NMNAT3: variants seen among roughly 807,000 people sequenced by gnomAD.
The protein encoded by NMNAT3 is nicotinamide nucleotide adenylyltransferase 3.
Under a neutral mutation model 24.8 loss-of-function variants are expected in NMNAT3, and 21 were observed. The ratio of observed to expected loss-of-function variants is 0.85; its 90% confidence interval spans 0.60 to 1.22. The LOEUF (loss-of-function observed/expected upper bound fraction) is 1.22. NMNAT3 is among the 50% of genes most tolerant of loss of function. The pLI, the probability that NMNAT3 is intolerant of heterozygous loss-of-function variation, is 0.00. For synonymous variants in NMNAT3, 136 were observed against 155.2 expected, an observed-to-expected ratio of 0.88 and a Z score of 0.92; for missense variants, 387 against 436.6, an observed-to-expected ratio of 0.89 and a Z score of 1.01.
At chr3:139,575,898 C>T in intron 5 of NMNAT3, 1 of 1,280,808 alleles carries the variant, frequency 7.8e-7, no homozygotes, top group Non-Finnish European at 1.0e-6. Flanking sequence ...TGAAGATGGC[C>T]ATAAGCATGG....
intron 1 of NMNAT3, among the ~76,000 whole-genome samples, chr3:139,669,621 T>C (rs542991864): frequency 2.0e-5 from 3 of 152,066 alleles, no homozygotes; most frequent in East Asian, 3.9e-4. Flanking sequence ...TAATTGGAGA[T>C]GAAGTGTTTC....
At chr3:139,668,321 G>T (rs1257916315) in intron 1 of NMNAT3, among the ~76,000 whole-genome samples, 1 of 152,188 alleles carries the variant, frequency 6.6e-6, no homozygotes, top group East Asian at 1.9e-4. Context: ...TCTTCCTGAG[G>T]GGAGGAAAAG....
At chr3:139,590,571 C>T (rs2054117416) in intron 3 of NMNAT3, among the ~76,000 whole-genome samples, 1 of 152,104 alleles carries the variant, frequency 6.6e-6, no homozygotes, top group Admixed American at 6.5e-5. Flanking sequence ...AGTGATTGCT[C>T]TGGGAACCAG....
At chr3:139,664,377 G>T (rs2057511514) in intron 1 of NMNAT3, among the ~76,000 whole-genome samples, 1 of 152,146 alleles carries the variant, frequency 6.6e-6, no homozygotes, top group African/African-American at 2.4e-5. Context: ...CAATCAAGAT[G>T]GCTAGAAAAC....
At chr3:139,625,188 C>G (rs973270198) in intron 3 of NMNAT3, among the ~76,000 whole-genome samples, 2 of 152,090 alleles carry the variant, frequency 1.3e-5, no homozygotes, top group African/African-American at 4.8e-5. Context: ...TAGCATAGGA[C>G]AGTTTTCTGT....
intron 4 of NMNAT3, among the ~76,000 whole-genome samples, chr3:139,579,291 G>C (rs1368477757): frequency 6.6e-6 from 1 of 152,126 alleles, no homozygotes; most frequent in African/African-American, 2.4e-5. Flanking sequence ...TGAGAGAAAG[G>C]CTTCTCTGCT....
At chr3:139,618,432 CAAAG>C (rs1404728918) in intron 3 of NMNAT3, among the ~76,000 whole-genome samples, 1 of 152,022 alleles carries the variant, frequency 6.6e-6, no homozygotes, top group Non-Finnish European at 1.5e-5. Context: ...AAGAAATCAA[CAAAG>C]GAAGGACAAT....
rs145636597 is a variant in NMNAT3 at position 139,614,269 on chromosome 3, C to T, written c.109+13347G>A. On this transcript the variant is annotated intron_variant, in intron 3 of 6. Transcript: ENST00000643695. ...AAAAAAAAAAAACTTTCAATGTGTC[C>T]CTTTCACCTAAAGTCCCCATTCCTT... is the stretch of plus-strand genomic sequence containing the variant. Among the ~76,000 whole-genome samples, 4 of 152,038 alleles carry T rather than the reference C, an allele frequency of 2.6e-5. No homozygotes were observed. In the East Asian group the frequency reaches 5.8e-4, roughly 22 times the overall value.
At chr3:139,629,333 A>C (rs1306298267) in intron 2 of NMNAT3, among the ~76,000 whole-genome samples, 1 of 152,200 alleles carries the variant, frequency 6.6e-6, no homozygotes, top group Non-Finnish European at 1.5e-5. Flanking sequence ...ATCTTTCCCC[A>C]GTCAAGTTTT....
intron 1 of NMNAT3, among the ~76,000 whole-genome samples, chr3:139,658,138 G>A (rs1437752621): frequency 6.6e-6 from 1 of 152,066 alleles, no homozygotes; most frequent in Non-Finnish European, 1.5e-5. Context: ...TCTGTGGTAA[G>A]GCTCAGGTAG....
At chr3:139,647,795 G>A (rs1021742454) in intron 1 of NMNAT3, among the ~76,000 whole-genome samples, 9 of 151,592 alleles carry the variant, frequency 5.9e-5, no homozygotes, top group African/African-American at 2.2e-4. Flanking sequence ...TACTGATTTC[G>A]AACTTTTGGC....
intron 3 of NMNAT3, among the ~76,000 whole-genome samples, chr3:139,610,724 G>A (rs1372872386): frequency 6.6e-6 from 1 of 152,172 alleles, no homozygotes; most frequent in Non-Finnish European, 1.5e-5. Context: ...GGCTGTCACT[G>A]CCTTAAATAG....
At chr3:139,572,356 A>G (rs760322194) in intron 6 of NMNAT3, 13 of 395,868 alleles carry the variant, frequency 3.3e-5, no homozygotes, top group African/African-American at 2.3e-4. Context: ...GCAGACAGAA[A>G]GACCAGAGGA....
At chr3:139,622,441 A>C (rs1043336455) in intron 3 of NMNAT3, among the ~76,000 whole-genome samples, 2 of 129,086 alleles carry the variant, frequency 1.5e-5, no homozygotes, top group Admixed American at 7.6e-5. Flanking sequence ...AACATGGTAT[A>C]AAAGATAAAC....
intron 2 of NMNAT3, among the ~76,000 whole-genome samples, chr3:139,629,690 T>C (rs1225672403): frequency 6.6e-6 from 1 of 152,314 alleles, no homozygotes; most frequent in Admixed American, 6.5e-5. Flanking sequence ...GCCCATGTTA[T>C]CTCCTTCTCC....
At chr3:139,629,353 T>A (rs980375557) in intron 2 of NMNAT3, among the ~76,000 whole-genome samples, 1 of 152,210 alleles carries the variant, frequency 6.6e-6, no homozygotes, top group Non-Finnish European at 1.5e-5. Context: ...TCAGATGTGA[T>A]TGCAGCCCTG....
intron 3 of NMNAT3, among the ~76,000 whole-genome samples, chr3:139,592,028 G>A (rs1358229702): frequency 7.9e-5 from 12 of 152,094 alleles, no homozygotes; most frequent in African/African-American, 2.4e-4. Flanking sequence ...TCCAAGCTAC[G>A]GGAGGAAATT....
chr3:139,655,947 G>A (rs749403933), intron 1 of NMNAT3, among the ~76,000 whole-genome samples: 5 of 152,130 alleles, frequency 3.3e-5, no homozygotes, highest in Admixed American at 1.3e-4. Context: ...CACACTCTTC[G>A]GCTCTAAATC....
chr3:139,600,442 A>G lies in NMNAT3; in HGVS notation c.110-17234T>C, dbSNP rs941329327. Among the ~76,000 whole-genome samples the G allele has an allele frequency of 2.0e-5, 3 of 151,878 alleles. No individual in the cohort carries two copies. In the South Asian group the frequency reaches 6.2e-4, roughly 32 times the overall value. On this transcript the variant is annotated intron_variant, in intron 3 of 6. Coordinates refer to ENST00000643695, the MANE Select transcript of NMNAT3 (RefSeq NM_001320510.2). ...TGCCTCAGCCTTCCGAGTAGCTGGG[A>G]TTACAGGCACCCACCACCACGCTGG... is the stretch of plus-strand genomic sequence containing the variant.
Sources: allele counts gnomAD v4.1 joint callset (sites outside exome capture counted in the v4.1 genomes callset), GRCh38; gene constraint gnomAD v4.1.1; transcripts MANE v1.5; gene names NCBI Gene and HGNC (gene_info 2026-07-23, HGNC 2026-07-21).